MORN5: variants seen among roughly 807,000 people sequenced by gnomAD.
The protein encoded by MORN5 is MORN repeat containing 5.
MORN5 carries 21 observed loss-of-function variants against 22.1 expected under a neutral mutation model. That is an observed-to-expected ratio of 0.95 (90% CI 0.67 to 1.37). The LOEUF is 1.37. MORN5 is among the 40% of genes most tolerant of loss of function. The pLI is 0.00. For missense variants in MORN5, 211 were observed against 215.1 expected, an observed-to-expected ratio of 0.98 and a Z score of 0.12; for synonymous variants, 73 against 74.0, an observed-to-expected ratio of 0.99 and a Z score of 0.07.
intron 4 of MORN5, among the ~76,000 whole-genome samples, chr9:122,195,504 G>T (rs1242306572): frequency 6.6e-6 from 1 of 152,144 alleles, no homozygotes; most frequent in Non-Finnish European, 1.5e-5. Context: ...GTATCGGTCA[G>T]ATATTTTGTA....
chr9:122,161,219 T>A (rs1829193361), intron 1 of MORN5, among the ~76,000 whole-genome samples: 1 of 152,168 alleles, frequency 6.6e-6, no homozygotes, highest in Non-Finnish European at 1.5e-5. Flanking sequence ...CACAAGTTGG[T>A]GGAATTCCAG....
At chr9:122,165,837 C>T (rs1412234399) in intron 1 of MORN5, among the ~76,000 whole-genome samples, 1 of 151,880 alleles carries the variant, frequency 6.6e-6, no homozygotes. Flanking sequence ...TCTGTAAATA[C>T]CTGTTTGGAA....
intron 4 of MORN5, among the ~76,000 whole-genome samples, chr9:122,185,506 G>A (rs149934610): frequency 0.025 from 3,462 of 140,374 alleles, 62 homozygotes; most frequent in Non-Finnish European, 0.034. Flanking sequence ...GATTACAGGC[G>A]TGAGCCACTG....
intron 4 of MORN5, chr9:122,175,581 C>G (rs183460337): frequency 7.2e-6 from 7 of 978,916 alleles, no homozygotes; most frequent in African/African-American, 5.3e-5. Context: ...AATGCATGCA[C>G]ACACACACAC....
intron 1 of MORN5, chr9:122,164,621 G>T: frequency 2.0e-6 from 2 of 985,666 alleles, no homozygotes; most frequent in Non-Finnish European, 2.4e-6. Context: ...GTCTGTGAGA[G>T]GTCTGAACAG....
intron 4 of MORN5, among the ~76,000 whole-genome samples, chr9:122,184,545 G>T (rs184971041): frequency 6.6e-6 from 1 of 152,246 alleles, no homozygotes; most frequent in Admixed American, 6.5e-5. Context: ...AAAAATGGCA[G>T]CGAAGAACTA....
intron 4 of MORN5, among the ~76,000 whole-genome samples, chr9:122,191,670 T>C (rs920879212): frequency 2.0e-5 from 3 of 152,222 alleles, no homozygotes; most frequent in Non-Finnish European, 2.9e-5. Context: ...TGACCGCAGG[T>C]GTGCGCAGCC....
chr9:122,173,028 C>G (rs545764623), intron 3 of MORN5, among the ~76,000 whole-genome samples: 2 of 152,270 alleles, frequency 1.3e-5, no homozygotes, highest in Non-Finnish European at 2.9e-5. Context: ...CTCTTCACCC[C>G]AATTAAGGCT....
chr9:122,194,111 C>T (rs761232686), intron 4 of MORN5, among the ~76,000 whole-genome samples: 13 of 152,156 alleles, frequency 8.5e-5, no homozygotes, highest in Non-Finnish European at 1.6e-4. Flanking sequence ...GCTTCAGAAC[C>T]GGAATAAAGA....
chr9:122,187,254 G>A (rs1361943064), intron 4 of MORN5, among the ~76,000 whole-genome samples: 1 of 152,212 alleles, frequency 6.6e-6, no homozygotes, highest in African/African-American at 2.4e-5. Context: ...AAAGGGAGGA[G>A]CCAGTGTTAC....
intron 1 of MORN5, among the ~76,000 whole-genome samples, chr9:122,163,592 C>T (rs1829233287): frequency 6.6e-6 from 1 of 152,162 alleles, no homozygotes; most frequent in East Asian, 1.9e-4. Flanking sequence ...ACAGCATGAG[C>T]AATAGCCCAG....
intron 3 of MORN5, 63 bp from the exon 4 acceptor site, chr9:122,174,433 T>G: frequency 1.3e-6 from 2 of 1,588,234 alleles, no homozygotes; most frequent in Non-Finnish European, 1.7e-6. Flanking sequence ...GTGGACCTTA[T>G]GGGAACACTG....
Position 122,166,909 on chromosome 9 carries a change from C to T in MORN5, c.189C>T (p.Ala63=). 6.2e-7 allele frequency: 1 copy of T among 1,613,212 alleles called. No individual in the cohort carries two copies. Among genetic ancestry groups the T allele is most frequent in the Non-Finnish European group, 8.5e-7 (1 of 1,179,604 alleles). Residue 63 remains alanine (A), a synonymous_variant, in exon 2 of 5, where the codon GCC becomes GCT. Transcript: ENST00000373764. ...QYDAIWENGL[A]IKGTYTFSDG... ...ACGCCATTTGGGAAAACGGATTGGC[C>T]ATAAAGGTGATCAGCTGGGGGGACG...
At chr9:122,191,670 T>TCACCCAAAGGC (rs1829770696) in intron 4 of MORN5, among the ~76,000 whole-genome samples, 1 of 152,222 alleles carries the variant, frequency 6.6e-6, no homozygotes, top group African/African-American at 2.4e-5. Context: ...TGACCGCAGG[T>TCACCCAAAGGC]GTGCGCAGCC....
intron 4 of MORN5, among the ~76,000 whole-genome samples, chr9:122,186,406 G>A (rs1829639910): frequency 6.6e-6 from 1 of 152,172 alleles, no homozygotes. Flanking sequence ...ACCTGTCTGA[G>A]AATCTAGGCC....
chr9:122,187,753 A>T (rs1829667866), intron 4 of MORN5, among the ~76,000 whole-genome samples: 2 of 152,258 alleles, frequency 1.3e-5, no homozygotes, highest in African/African-American at 4.8e-5. Context: ...TTAATTTTAA[A>T]TATCAAATAT....
At chr9:122,190,743 T>C (rs1012549939) in intron 4 of MORN5, among the ~76,000 whole-genome samples, 1 of 152,268 alleles carries the variant, frequency 6.6e-6, no homozygotes, top group African/African-American at 2.4e-5. Flanking sequence ...TCAGTCAATA[T>C]TGACAATGCT....
chr9:122,173,319 G>A (rs1226396234), intron 3 of MORN5, among the ~76,000 whole-genome samples: 2 of 152,222 alleles, frequency 1.3e-5, no homozygotes, highest in Non-Finnish European at 2.9e-5. Context: ...AAAGTGCCCC[G>A]CGACCTCTTC....
intron 4 of MORN5, among the ~76,000 whole-genome samples, chr9:122,190,487 TTAAG>T (rs1222650038): frequency 6.6e-6 from 1 of 152,280 alleles, no homozygotes; most frequent in East Asian, 1.9e-4. Flanking sequence ...AATTTAATAA[TTAAG>T]TCTGAATGCA....
Sources: gnomAD v4.1 joint callset for allele counts (sites outside exome capture counted in the v4.1 genomes callset) on GRCh38, gnomAD v4.1.1 for gene constraint, MANE v1.5 for transcripts, NCBI Gene and HGNC (gene_info 2026-07-23, HGNC 2026-07-21) for gene names.